The following GLMN variants were observed in gnomAD, a reference collection of about 807,000 sequenced individuals.
The protein encoded by GLMN is glomulin.
Under a neutral mutation model 87.8 loss-of-function variants are expected in GLMN, and 75 were observed. That is an observed-to-expected ratio of 0.85 (90% confidence interval 0.71 to 1.04). The LOEUF is 1.04. Ranked by LOEUF, GLMN falls within the 50% of genes least tolerant of loss-of-function variation. GLMN has a pLI of 0.00. For missense variants in GLMN, 588 were observed against 658.8 expected, an observed-to-expected ratio of 0.89 and a Z score of 1.18; for synonymous variants, 206 against 221.6, an observed-to-expected ratio of 0.93 and a Z score of 0.63.
chr1:92,328,151 G>A, the GLMN span, among the ~76,000 whole-genome samples: 1 of 152,156 alleles, frequency 6.6e-6, no homozygotes, highest in South Asian at 2.1e-4. Flanking sequence ...ATCTTTTTAT[G>A]ATGAGTTTCC....
intron 7 of GLMN, among the ~76,000 whole-genome samples, chr1:92,279,596 G>T (rs1007851801): frequency 2.0e-5 from 3 of 151,496 alleles, no homozygotes; most frequent in Admixed American, 2.0e-4. Context: ...CACCTCACTG[G>T]GACTGGTTGG....
the GLMN span, among the ~76,000 whole-genome samples, chr1:92,351,409 A>C: frequency 2.8e-4 from 42 of 152,112 alleles, no homozygotes; most frequent in African/African-American, 9.4e-4. Context: ...TATATTCCTC[A>C]TAATTCCATG....
the GLMN span, among the ~76,000 whole-genome samples, chr1:92,337,053 C>T: frequency 1.3e-5 from 2 of 152,054 alleles, no homozygotes; most frequent in Non-Finnish European, 2.9e-5. Flanking sequence ...CTCTAAATGG[C>T]TTATTAGTAG....
rs1478837105 is a variant in GLMN at position 92,266,416 on chromosome 1, T to A, written c.1214+3A>T. On this transcript the variant is annotated splice_donor_region_variant and intron_variant, in intron 13 of 18. Transcript: ENST00000370360. ...TTAGCAATTAGCCATGCTTGATACATACCTAAATAATGTATATTTGCCTTG... is the reference window on the plus strand; with the variant it reads ...TTAGCAATTAGCCATGCTTGATACAAACCTAAATAATGTATATTTGCCTTG... The A allele has an allele frequency of 6.9e-7, 1 of 1,454,924 alleles. No homozygotes were observed. Among genetic ancestry groups the A allele is most frequent in the African/African-American group, 1.4e-5 (1 of 72,046 alleles). 90.1% of individuals were successfully genotyped at this position (1,454,924 alleles called of 1,614,324 possible).
At position 92,269,766 on chromosome 1, in the gene GLMN, G is replaced by C; in HGVS notation, c.934C>G (p.Leu312Val). ...ATGTGCCCCATATTAAACTGCAAAA[G>C]GTACAATGGGCTAAAATAGAAACAA... ...QLPMVLSPLY[L>V]LQFNMGHIEV... The change falls in exon 9 of 19, where the codon CTT becomes GTT. Residue 312 changes from leucine (L) to valine (V), a missense_variant. Transcript: ENST00000370360. 1 of 1,601,868 alleles carries C rather than the reference G, an allele frequency of 6.2e-7. No homozygotes were observed.
In GLMN at chr1:92,288,955, G is replaced by A. The variant is rs768835451; in HGVS notation, c.591C>T (p.Asn197=). 1.2e-6 allele frequency: 2 copies of A among 1,608,794 alleles called. No homozygotes were observed. Among genetic ancestry groups the A allele is most frequent in the Non-Finnish European group, 1.7e-6 (2 of 1,175,324 alleles). ...CCTTTAACTTTTCATTTTCCAGTGA[G>A]TTTTCTTTGTTATCAATGACTTCTT... ...FVEEVIDNKE[N]SLENEKLKDE... The change falls in exon 6 of 19, where the codon AAC becomes AAT. Residue 197 remains asparagine, a synonymous_variant. Transcript: ENST00000370360.
At chr1:92,327,025 A>G in the GLMN span, among the ~76,000 whole-genome samples, 5 of 152,192 alleles carry the variant, frequency 3.3e-5, no homozygotes, top group African/African-American at 7.2e-5. Flanking sequence ...CATATGGTCT[A>G]TCTCGGAGAC....
intron 16 of GLMN, among the ~76,000 whole-genome samples, chr1:92,251,941 G>A (rs1049492068): frequency 1.3e-5 from 2 of 151,794 alleles, no homozygotes; most frequent in Admixed American, 6.6e-5. Context: ...GATTATAAGC[G>A]TCTGCCACCA....
At chr1:92,356,566 G>C in the GLMN span, among the ~76,000 whole-genome samples, 1 of 146,578 alleles carries the variant, frequency 6.8e-6, no homozygotes, top group Non-Finnish European at 1.5e-5. Flanking sequence ...TTATAGGTGT[G>C]TGTCACCACT....
intron 9 of GLMN, among the ~76,000 whole-genome samples, 161 bp from the exon 10 acceptor site, chr1:92,268,296 T>C (rs1655874121): frequency 1.3e-5 from 2 of 152,230 alleles, no homozygotes; most frequent in African/African-American, 4.8e-5. Flanking sequence ...TTTTAATCCA[T>C]CTTTGATCTG....
rs1654170284 is a variant in GLMN, at chr1:92,255,927, G to T, written c.1473+6936C>A. Among the ~76,000 whole-genome samples the T allele has an allele frequency of 1.3e-5, 2 of 152,056 alleles. 1 individual carries two copies. Among genetic ancestry groups the T allele is most frequent in the South Asian group, 4.1e-4 (2 of 4,826 alleles). On this transcript the variant is annotated intron_variant, in intron 16 of 18. Transcript: ENST00000370360. Reference sequence around the variant, plus strand: ...CAACTAAGATCAGAGCACAACTGGAGATAGAGACGCAAAAAACCCTTCAAA... The same window carrying T: ...CAACTAAGATCAGAGCACAACTGGATATAGAGACGCAAAAAACCCTTCAAA...
the GLMN span, among the ~76,000 whole-genome samples, chr1:92,350,995 A>C: frequency 5.9e-5 from 9 of 152,148 alleles, no homozygotes; most frequent in South Asian, 2.1e-4. Flanking sequence ...AAAGCTTATT[A>C]ATGTATTTAT....
At chr1:92,300,123 C>A, upstream of GLMN, 2 of 1,022,992 alleles carry the variant, frequency 2.0e-6, no homozygotes, top group Non-Finnish European at 3.0e-6. Flanking sequence ...TCTTATGAGA[C>A]CGCTGTCTGT....
At chr1:92,323,237 ATATAT>A in the GLMN span, among the ~76,000 whole-genome samples, 1 of 151,660 alleles carries the variant, frequency 6.6e-6, no homozygotes, top group Non-Finnish European at 1.5e-5. Context: ...ATATCAAAAA[ATATAT>A]TATTAACAGA....
At chr1:92,332,953 C>CAG in the GLMN span, among the ~76,000 whole-genome samples, 1 of 152,034 alleles carries the variant, frequency 6.6e-6, no homozygotes, top group Non-Finnish European at 1.5e-5. Flanking sequence ...TTTCAGTTCT[C>CAG]AGAGAGAGAG....
At chr1:92,304,482 G>A in the GLMN span, 1 of 496,880 alleles carries the variant, frequency 2.0e-6, no homozygotes, top group Non-Finnish European at 3.4e-6. Flanking sequence ...TTACTGGTTA[G>A]AAAATAGTGA....
the GLMN span, among the ~76,000 whole-genome samples, chr1:92,357,549 G>C: frequency 6.6e-6 from 1 of 151,994 alleles, no homozygotes; most frequent in East Asian, 1.9e-4. Context: ...TTTTTTGTTT[G>C]TTTTCAGACA....
the GLMN span, among the ~76,000 whole-genome samples, chr1:92,351,323 A>G: frequency 6.6e-6 from 1 of 151,574 alleles, no homozygotes; most frequent in Non-Finnish European, 1.5e-5. Context: ...AAAAAAAAAA[A>G]AAAAAGAAAG....
At chr1:92,317,179 T>G in the GLMN span, among the ~76,000 whole-genome samples, 1 of 152,162 alleles carries the variant, frequency 6.6e-6, no homozygotes, top group African/African-American at 2.4e-5. Flanking sequence ...AGGAAGTCAT[T>G]TAACCTCTCA....
Sources: gnomAD v4.1 joint callset for allele counts (sites outside exome capture counted in the v4.1 genomes callset) on GRCh38, gnomAD v4.1.1 for gene constraint, MANE v1.5 for transcripts, NCBI Gene and HGNC (gene_info 2026-07-23, HGNC 2026-07-21) for gene names.